The following CAMK2D variants were observed in gnomAD, a reference collection of about 807,000 sequenced individuals.
CAMK2D encodes calcium/calmodulin-dependent protein kinase type II subunit delta.
Under a neutral mutation model 84.0 loss-of-function variants are expected in CAMK2D, and 37 were observed. The ratio of observed to expected loss-of-function variants is 0.44; its 90% CI spans 0.34 to 0.58. The LOEUF is 0.58. CAMK2D is among the 20% of genes least tolerant of loss of function. CAMK2D has a pLI of 0.02. For synonymous variants in CAMK2D, 202 were observed against 212.5 expected, an observed-to-expected ratio of 0.95 and a Z score of 0.43; for missense variants, 448 against 652.5, an observed-to-expected ratio of 0.69 and a Z score of 3.41.
chr4:113,559,713 C>A (rs17046229), intron 4 of CAMK2D, among the ~76,000 whole-genome samples: 5,944 of 152,324 alleles, frequency 0.039, 399 homozygotes, highest in African/African-American at 0.13. Flanking sequence ...GAAATCGTTT[C>A]TGTGTATCAG....
At position 113,509,635 on chromosome 4, in the gene CAMK2D, T is replaced by C; in HGVS notation, c.984+3A>G. On this transcript the variant is annotated splice_donor_region_variant and intron_variant, in intron 13 of 20. Coordinates refer to ENST00000511664, the MANE Select transcript of CAMK2D (RefSeq NM_001321571.2). ...ATGGATTAGGGGCATCTGTTTAACT[T>C]ACCTTTACTCCATCTGGTTTCTTCA... 1.3e-6 allele frequency: 2 copies of C among 1,596,600 alleles called. No homozygotes were observed. The highest frequency in any genetic ancestry group is 1.7e-6 in the Non-Finnish European group (2 of 1,163,984).
chr4:113,465,686 A>G, intron 16 of CAMK2D, 82 bp from the exon 17 acceptor site: 1 of 864,316 alleles, frequency 1.2e-6, no homozygotes, highest in Non-Finnish European at 1.9e-6. Context: ...AATTTTTGAG[A>G]TAGGGTCTCA....
chr4:113,662,266 T>C (rs1398297263), intron 2 of CAMK2D, among the ~76,000 whole-genome samples: 2 of 152,186 alleles, frequency 1.3e-5, no homozygotes, highest in East Asian at 3.8e-4. Flanking sequence ...CTCAACTTCC[T>C]AGGTATATGA....
At chr4:113,559,651 T>G (rs2098689018) in intron 4 of CAMK2D, among the ~76,000 whole-genome samples, 2 of 152,270 alleles carry the variant, frequency 1.3e-5, no homozygotes, top group African/African-American at 4.8e-5. Flanking sequence ...GCAACTGCCT[T>G]TGACTGAAAA....
At chr4:113,639,515 C>T (rs2099123776) in intron 3 of CAMK2D, among the ~76,000 whole-genome samples, 1 of 152,028 alleles carries the variant, frequency 6.6e-6, no homozygotes, top group Non-Finnish European at 1.5e-5. Context: ...GGAAGCCCTG[C>T]ACCAGCGCTG....
At chr4:113,472,912 A>G (rs959574031) in intron 16 of CAMK2D, among the ~76,000 whole-genome samples, 1 of 152,174 alleles carries the variant, frequency 6.6e-6, no homozygotes, top group African/African-American at 2.4e-5. Flanking sequence ...GTTATTGGGT[A>G]CTTGGCTGTC....
rs75422351 is a variant in CAMK2D, at chr4:113,714,350, C to T, written c.160+44970G>A. ...TGGTATAACAATTACACTCCAATTC[C>T]GCTGCTTCTCACTCCATTCTTCTTC... On this transcript the variant is annotated intron_variant, in intron 2 of 20. Coordinates refer to ENST00000511664, the MANE Select transcript of CAMK2D (RefSeq NM_001321571.2). Among the ~76,000 whole-genome samples the T allele has an allele frequency of 9.6e-3, 1,456 of 152,136 alleles. 15 individuals are homozygous for T. The highest frequency in any genetic ancestry group is 0.033 in the African/African-American group (1,372 of 41,516).
At chr4:113,612,467 C>T (rs1478522187) in intron 3 of CAMK2D, among the ~76,000 whole-genome samples, 3 of 152,204 alleles carry the variant, frequency 2.0e-5, no homozygotes, top group East Asian at 3.8e-4. Context: ...TAGCTCAAGA[C>T]TGACGGCATG....
chr4:113,589,083 C>A (rs894604764), intron 4 of CAMK2D, among the ~76,000 whole-genome samples: 1 of 152,212 alleles, frequency 6.6e-6, no homozygotes, highest in East Asian at 1.9e-4. Context: ...CTGCAATATG[C>A]CTAGCATGTC....
intron 3 of CAMK2D, among the ~76,000 whole-genome samples, chr4:113,659,122 G>A (rs28636632): frequency 0.071 from 10,787 of 152,144 alleles, 1,080 homozygotes; most frequent in African/African-American, 0.23. Flanking sequence ...AGTTTTTCGA[G>A]TGTTTGACTT....
chr4:113,714,006 T>A (rs1054060574), intron 2 of CAMK2D, among the ~76,000 whole-genome samples: 1 of 152,076 alleles, frequency 6.6e-6, no homozygotes, highest in Non-Finnish European at 1.5e-5. Flanking sequence ...TCATTACCAC[T>A]ATATCATACA....
chr4:113,627,960 A>G (rs985089538), intron 3 of CAMK2D, among the ~76,000 whole-genome samples: 2 of 152,154 alleles, frequency 1.3e-5, no homozygotes, highest in African/African-American at 4.8e-5. Flanking sequence ...AACCACAAAT[A>G]ATGAAGATCA....
chr4:113,549,835 T>C (rs1166265835), intron 5 of CAMK2D, among the ~76,000 whole-genome samples: 2 of 152,236 alleles, frequency 1.3e-5, no homozygotes, highest in Non-Finnish European at 2.9e-5. Context: ...TTTTAAAAAT[T>C]GATCATGACT....
chr4:113,626,911 A>C (rs577259282), intron 3 of CAMK2D, among the ~76,000 whole-genome samples: 1 of 152,320 alleles, frequency 6.6e-6, no homozygotes, highest in African/African-American at 2.4e-5. Context: ...AATCAGGCTC[A>C]TATAATCCAG....
At chr4:113,713,801 AC>A (rs1462483132) in intron 2 of CAMK2D, among the ~76,000 whole-genome samples, 2 of 151,460 alleles carry the variant, frequency 1.3e-5, no homozygotes, top group Admixed American at 1.3e-4. Context: ...CCTATCCTTC[AC>A]ATGTGATATT....
chr4:113,510,496 TA>T (rs1316240667), intron 12 of CAMK2D, among the ~76,000 whole-genome samples: 2 of 152,274 alleles, frequency 1.3e-5, no homozygotes, highest in East Asian at 3.9e-4. Flanking sequence ...CTTCTGTTAC[TA>T]AACTTCTTGA....
intron 3 of CAMK2D, among the ~76,000 whole-genome samples, chr4:113,636,528 A>G (rs2099110423): frequency 6.6e-6 from 1 of 152,192 alleles, no homozygotes; most frequent in African/African-American, 2.4e-5. Context: ...CCATAACAAA[A>G]CACCATTAGA....
At position 113,726,374 on chromosome 4, in the gene CAMK2D, C is replaced by CTTTTT. The variant is rs34696947; in HGVS notation, c.160+32941_160+32945dup. On this transcript the variant is annotated intron_variant, in intron 2 of 20. Coordinates refer to ENST00000511664, the MANE Select transcript of CAMK2D (RefSeq NM_001321571.2). ...CATAAGATTGCTTGTTTTGCTTGGG[C>CTTTTT]TTTTTTTTTTTTTTTTTTTTTTTTG... Among the ~76,000 whole-genome samples the CTTTTT allele has an allele frequency of 7.4e-3, 512 of 69,446 alleles. 3 individuals carry two copies. The highest frequency in any genetic ancestry group is 0.013 in the Middle Eastern group (1 of 80). The allele number at this position is 69,446 out of a possible 152,430, so 45.6% of individuals were successfully genotyped here. A position where few individuals can be genotyped will look rare whatever the true frequency, so the allele number is the denominator to read the frequency against.
chr4:113,514,580 C>T (rs1676446937), intron 10 of CAMK2D, among the ~76,000 whole-genome samples: 1 of 152,160 alleles, frequency 6.6e-6, no homozygotes, highest in Non-Finnish European at 1.5e-5. Context: ...TTACTGAAGT[C>T]TCCAGATCCC....
Sources: gnomAD v4.1 joint callset for allele counts (sites outside exome capture counted in the v4.1 genomes callset) on GRCh38, gnomAD v4.1.1 for gene constraint, MANE v1.5 for transcripts, NCBI Gene and HGNC (gene_info 2026-07-23, HGNC 2026-07-21) for gene names.